The following MTRR variants were observed in gnomAD, a reference collection of about 807,000 sequenced individuals.
MTRR encodes 5-methyltetrahydrofolate-homocysteine methyltransferase reductase.
A neutral mutation model predicts 79.2 loss-of-function variants in MTRR; 63 were observed. That is an observed-to-expected ratio of 0.80 (90% confidence interval 0.65 to 0.98). The LOEUF (loss-of-function observed/expected upper bound fraction) is 0.98. Among genes scored for constraint, MTRR ranks in the 50% least tolerant of loss-of-function variants. The probability of loss-of-function intolerance (pLI) is 0.00; values close to 1 mark genes in which losing one functional copy is unlikely to be tolerated. For synonymous variants in MTRR, 355 were observed against 313.3 expected (o/e 1.13, Z -1.41); for missense variants, 895 against 839.6 (o/e 1.07, Z -0.82).
At chr5:7,863,155 T>C in intron 2 of MTRR, 2 of 659,688 alleles carry the variant, frequency 3.0e-6, no homozygotes, top group Non-Finnish European at 5.2e-6. Context: ...AAAATGATAA[T>C]GCAAACTTCT....
chr5:7,856,128 C>T (rs67867618), intron 1 of MTRR, among the ~76,000 whole-genome samples: 18,996 of 152,064 alleles, frequency 0.12, 1,237 homozygotes, highest in Middle Eastern at 0.27. Flanking sequence ...CCTAAGAAGC[C>T]GATTCAGGTC....
Position 7,870,869 on chromosome 5 carries a change from A to G in MTRR, c.75A>G (p.Gln25=), listed in dbSNP as rs1553999358. The change falls in exon 2 of 15, where the codon CAA becomes CAG. Residue 25 remains glutamine (Q), a synonymous_variant. Coordinates refer to ENST00000440940, the MANE Select transcript of MTRR (RefSeq NM_002454.3). ...AKAIAEEICE[Q]AVVHGFSADL... ...CCATCGCAGAAGAAATATGTGAGCA[A>G]GCTGTGGTACATGGATTTTCTGCAG... is the stretch of plus-strand genomic sequence containing the variant. 1 of 1,614,196 alleles carries G rather than the reference A, an allele frequency of 6.2e-7. No homozygotes were observed. Among genetic ancestry groups the G allele is most frequent in the Non-Finnish European group, 8.5e-7 (1 of 1,180,028 alleles).
intron 14 of MTRR, among the ~76,000 whole-genome samples, chr5:7,897,707 A>G (rs1392494890): frequency 3.3e-5 from 5 of 152,200 alleles, no homozygotes. Context: ...TAAAGTTGAA[A>G]CGTTCTGTGT....
At chr5:7,860,015 A>G (rs1241579287) in intron 1 of MTRR, among the ~76,000 whole-genome samples, 3 of 152,110 alleles carry the variant, frequency 2.0e-5, no homozygotes, top group Non-Finnish European at 4.4e-5. Context: ...GCAGCAAAGG[A>G]GAGAGTCTGC....
upstream of MTRR, among the ~76,000 whole-genome samples, chr5:7,868,432 G>C (rs940564182): frequency 9.9e-5 from 15 of 152,204 alleles, no homozygotes; most frequent in African/African-American, 3.6e-4. Context: ...TATGCAGGTG[G>C]TTAAGTGGCA....
rs1737846298 is a variant in MTRR, at chr5:7,892,832, G to C, written c.1476G>C (p.Trp492Cys). Residue 492 changes from tryptophan (W) to cysteine (C), a missense_variant, in exon 11 of 15, where the codon TGG becomes TGC. Transcript: ENST00000440940. ...TGCGGAAGGGAGTATGTACAGGCTG[G>C]CTGGCCTTGTTGGTTGCTTCAGTTC... ...EVLRKGVCTG[W>C]LALLVASVLQ... 2 of 1,614,164 alleles carry C rather than the reference G, an allele frequency of 1.2e-6. No individual in the cohort carries two copies. Among genetic ancestry groups the C allele is most frequent in the East Asian group, 4.5e-5 (2 of 44,876 alleles).
At chr5:7,869,097 C>T (rs758982952), upstream of MTRR, 4 of 1,609,594 alleles carry the variant, frequency 2.5e-6, no homozygotes, top group East Asian at 6.7e-5. Context: ...TGGCCCAGGT[C>T]CCCTTCGGAG....
At chr5:7,865,216 C>A (rs532878456), upstream of MTRR, among the ~76,000 whole-genome samples, 1 of 151,986 alleles carries the variant, frequency 6.6e-6, no homozygotes, top group African/African-American at 2.4e-5. Flanking sequence ...GGTAAGAGAT[C>A]GGGGTTAACT....
At chr5:7,890,542 ATAAAAAAAT>A (rs975059362) in intron 9 of MTRR, 31 of 418,788 alleles carry the variant, frequency 7.4e-5, no homozygotes, top group Non-Finnish European at 8.0e-5. Flanking sequence ...ACGTAGTTAT[ATAAAAAAAT>A]TAAAGTCATT....
At chr5:7,853,359 C>A (rs1382136871) in intron 1 of MTRR, among the ~76,000 whole-genome samples, 1 of 152,202 alleles carries the variant, frequency 6.6e-6, no homozygotes, top group Non-Finnish European at 1.5e-5. Context: ...GAGGCCACCC[C>A]AGCCATACTG....
chr5:7,873,881 A>G (rs1160838806), intron 3 of MTRR, among the ~76,000 whole-genome samples: 1 of 152,214 alleles, frequency 6.6e-6, no homozygotes, highest in Non-Finnish European at 1.5e-5. Flanking sequence ...AGAAAAGCAG[A>G]ACAAAACAAA....
chr5:7,873,457 T>C lies in MTRR; in HGVS notation c.214T>C (p.Phe72Leu), dbSNP rs546104831. The C allele has an allele frequency of 3.1e-6, 5 of 1,614,052 alleles. No homozygotes were observed. In the South Asian group the frequency reaches 5.5e-5, roughly 18 times the overall value. The change falls in exon 3 of 15, where the codon TTT becomes CTT. Residue 72 changes from phenylalanine to leucine, a missense_variant. Coordinates refer to ENST00000440940, the MANE Select transcript of MTRR (RefSeq NM_002454.3). ...AGACCCACCCGACACAGCCCGCAAG[T>C]TTGTTAAGGAAATACAGAACCAAAC... ...TGDPPDTARKFVKEIQNQTLP... is the reference protein window; with the variant it reads ...TGDPPDTARKLVKEIQNQTLP...
At chr5:7,883,702 A>G (rs909898172) in intron 6 of MTRR, among the ~76,000 whole-genome samples, 2 of 152,002 alleles carry the variant, frequency 1.3e-5, no homozygotes, top group Non-Finnish European at 2.9e-5. Flanking sequence ...CTATTTTCAC[A>G]CCTATTTTCT....
At chr5:7,861,660 G>C (rs1164250857) in intron 1 of MTRR, 4 of 1,606,578 alleles carry the variant, frequency 2.5e-6, no homozygotes. Context: ...CATCTGGTGA[G>C]AGAAGAAAGG....
chr5:7,895,896 A>C (rs747280412), intron 12 of MTRR, 44 bp downstream of exon 12: 1 of 1,612,254 alleles, frequency 6.2e-7, no homozygotes, highest in South Asian at 1.1e-5. Context: ...TTCCTGAGTA[A>C]CCGTTTTTGT....
chr5:7,870,160 T>C (rs1579588803), intron 1 of MTRR: 3 of 702,710 alleles, frequency 4.3e-6, no homozygotes, highest in Non-Finnish European at 3.5e-6. Flanking sequence ...CACCCGTTTG[T>C]ATATATGCCC....
At chr5:7,897,375 A>G in intron 14 of MTRR, 128 bp downstream of exon 14, 1 of 963,470 alleles carries the variant, frequency 1.0e-6, no homozygotes, top group Middle Eastern at 3.2e-4. Context: ...AAGTACAGGA[A>G]TAGAAATAAC....
At position 7,889,125 on chromosome 5, in the gene MTRR, A is replaced by G. The variant is rs1240870498; in HGVS notation, c.1177A>G (p.Ser393Gly). The change falls in exon 9 of 15, where the codon AGT becomes GGT. Residue 393 changes from serine (S) to glycine (G), a missense_variant. Physicochemically the swap from Ser to Gly is moderately conservative, Grantham distance 56. Coordinates refer to ENST00000440940, the MANE Select transcript of MTRR (RefSeq NM_002454.3). Reference sequence around the variant, plus strand: ...TTTGCGAGCCCTTGTGGACTATACCAGTGACAGTGCTGAAAAGCGCAGGCT... The same window carrying G: ...TTTGCGAGCCCTTGTGGACTATACCGGTGACAGTGCTGAAAAGCGCAGGCT... Reference protein sequence around the residue: ...AFLRALVDYTSDSAEKRRLQE... With the variant: ...AFLRALVDYTGDSAEKRRLQE... 6.2e-7 allele frequency: 1 copy of G among 1,613,964 alleles called. No homozygotes were observed. Among genetic ancestry groups the G allele is most frequent in the Non-Finnish European group, 8.5e-7 (1 of 1,179,986 alleles).
chr5:7,873,323 C>CA (rs1413097793), intron 2 of MTRR, 50 bp from the exon 3 acceptor site: 1 of 1,608,856 alleles, frequency 6.2e-7, no homozygotes, highest in Non-Finnish European at 8.5e-7. Flanking sequence ...TGAGTTAAAT[C>CA]AAAAATGCAT....
Sources: allele counts gnomAD v4.1 joint callset (sites outside exome capture counted in the v4.1 genomes callset), GRCh38; gene constraint gnomAD v4.1.1; transcripts MANE v1.5; gene names NCBI Gene and HGNC (gene_info 2026-07-23, HGNC 2026-07-21).